Variants in GPC5 observed in about 807,000 individuals in gnomAD.
The protein encoded by GPC5 is glypican 5.
GPC5 carries 47 observed loss-of-function variants against 53.9 expected under a neutral mutation model. That is an observed-to-expected ratio of 0.87 (90% confidence interval 0.69 to 1.11). GPC5 has a LOEUF of 1.11. Among genes scored for constraint, GPC5 ranks in the 50% most tolerant of loss-of-function variants. The pLI is 0.00. For synonymous variants in GPC5, 286 were observed against 263.3 expected, an observed-to-expected ratio of 1.09 and a Z score of -0.84; for missense variants, 748 against 713.1, an observed-to-expected ratio of 1.05 and a Z score of -0.56.
chr13:92,685,512 A>G (rs72641048), intron 7 of GPC5, among the ~76,000 whole-genome samples: 38,437 of 148,014 alleles, frequency 0.26, 5,365 homozygotes, highest in Admixed American at 0.37. Flanking sequence ...ATTTTAAAAA[A>G]ATAATCAAGT....
intron 7 of GPC5, among the ~76,000 whole-genome samples, chr13:92,352,496 T>C (rs1461084367): frequency 6.6e-6 from 1 of 152,232 alleles, no homozygotes; most frequent in Non-Finnish European, 1.5e-5. Context: ...CATAAAGAAC[T>C]CTTAAAAATG....
intron 2 of GPC5, among the ~76,000 whole-genome samples, chr13:91,457,487 C>G (rs1264550499): frequency 6.6e-6 from 1 of 152,026 alleles, no homozygotes; most frequent in Non-Finnish European, 1.5e-5. Context: ...TAGCACATGA[C>G]AGCATCTTGT....
chr13:91,734,544 C>G lies in GPC5; in HGVS notation c.1154+5879C>G, dbSNP rs1387704840. 2.6e-5 allele frequency among the ~76,000 whole-genome samples: 4 copies of G among 151,342 alleles called. 1 individual carries two copies. Among genetic ancestry groups the G allele is most frequent in the African/African-American group, 9.8e-5 (4 of 40,666 alleles). On this transcript the variant is annotated intron_variant, in intron 4 of 7. Transcript: ENST00000377067. ...ATAAAAGTCAGTACAGAGGTAGTGT[C>G]TAATAATTCCTGGAAGGAAAATAGC... is the stretch of plus-strand genomic sequence containing the variant.
chr13:92,821,927 GA>G lies in GPC5; in HGVS notation c.1562-44347del, dbSNP rs201795033. On this transcript the variant is annotated intron_variant, in intron 7 of 7. Coordinates refer to ENST00000377067, the MANE Select transcript of GPC5 (RefSeq NM_004466.6). ...CTTCAAATAATACCCATAAATACAA[GA>G]AAAAAAATGGGAGGGAATAAACTGA... 6.7e-3 allele frequency among the ~76,000 whole-genome samples: 1,019 copies of G among 151,372 alleles called. 8 individuals carry two copies. The highest frequency in any genetic ancestry group is 0.031 in the Middle Eastern group (9 of 294).
chr13:91,572,192 C>CACATATTTATATATACGTGTGTATAT (rs1594274140), intron 2 of GPC5, among the ~76,000 whole-genome samples: 1 of 110,316 alleles, frequency 9.1e-6, no homozygotes, highest in Non-Finnish European at 1.7e-5. Flanking sequence ...TGTGTATACA[C>CACATATTTATATATACGTGTGTATAT]ACACATATGT....
At chr13:92,285,153 G>T (rs1050705469) in intron 7 of GPC5, among the ~76,000 whole-genome samples, 2 of 152,000 alleles carry the variant, frequency 1.3e-5, no homozygotes, top group Non-Finnish European at 2.9e-5. Flanking sequence ...GCTTCAAAGA[G>T]AATAAAATAC....
At chr13:92,314,015 A>T (rs2043162391) in intron 7 of GPC5, among the ~76,000 whole-genome samples, 1 of 152,148 alleles carries the variant, frequency 6.6e-6, no homozygotes, top group African/African-American at 2.4e-5. Flanking sequence ...ACTTCAAAAC[A>T]CTAATTGCAT....
At chr13:91,504,547 T>A (rs1884835385) in intron 2 of GPC5, among the ~76,000 whole-genome samples, 1 of 152,128 alleles carries the variant, frequency 6.6e-6, no homozygotes, top group African/African-American at 2.4e-5. Flanking sequence ...AGCAACTACT[T>A]CGAAAATAAA....
rs1876558836 is a variant in GPC5 at position 92,421,506 on chromosome 13, T to C, written c.1561+276517T>C. Among the ~76,000 whole-genome samples the C allele has an allele frequency of 5.9e-5, 9 of 152,098 alleles. No individual in the cohort carries two copies. In the South Asian group the frequency reaches 1.9e-3, roughly 32 times the overall value. ...CGAGGTCAGGAGATCGAAACCATCC[T>C]GGCTAACACGGTGAAACCCTGTCTC... On this transcript the variant is annotated intron_variant, in intron 7 of 7. Coordinates refer to ENST00000377067, the MANE Select transcript of GPC5 (RefSeq NM_004466.6).
At chr13:91,597,250 A>G (rs2033027801) in intron 2 of GPC5, among the ~76,000 whole-genome samples, 1 of 152,144 alleles carries the variant, frequency 6.6e-6, no homozygotes, top group Non-Finnish European at 1.5e-5. Flanking sequence ...TCTGTTATTC[A>G]ATCTTGGTCA....
At chr13:92,822,909 T>A (rs1281975439) in intron 7 of GPC5, among the ~76,000 whole-genome samples, 1 of 152,036 alleles carries the variant, frequency 6.6e-6, no homozygotes, top group African/African-American at 2.4e-5. Context: ...ATAATTGTTT[T>A]CATTAAAAAG....
At chr13:91,983,318 C>T (rs1687945406) in intron 6 of GPC5, among the ~76,000 whole-genome samples, 2 of 151,190 alleles carry the variant, frequency 1.3e-5, no homozygotes, top group African/African-American at 4.8e-5. Context: ...TGCACTTCAG[C>T]CTGGGCGACA....
intron 5 of GPC5, among the ~76,000 whole-genome samples, chr13:91,885,100 G>T (rs1198029389): frequency 6.6e-6 from 1 of 151,962 alleles, no homozygotes; most frequent in Non-Finnish European, 1.5e-5. Context: ...CAGGATTTTG[G>T]CTTCACAGTT....
intron 5 of GPC5, among the ~76,000 whole-genome samples, chr13:91,806,554 C>T (rs1454768656): frequency 6.6e-6 from 1 of 151,848 alleles, no homozygotes; most frequent in Non-Finnish European, 1.5e-5. Context: ...TTTTGAAAGA[C>T]TTTTCACATG....
intron 6 of GPC5, among the ~76,000 whole-genome samples, chr13:92,116,192 T>C (rs976451071): frequency 2.6e-5 from 4 of 152,044 alleles, no homozygotes; most frequent in African/African-American, 9.7e-5. Flanking sequence ...AAGGCTGCAG[T>C]GAGCCATGAT....
chr13:91,944,363 T>G (rs1381517142), intron 6 of GPC5, among the ~76,000 whole-genome samples: 3 of 152,192 alleles, frequency 2.0e-5, no homozygotes, highest in Non-Finnish European at 4.4e-5. Context: ...CCCAAAGTTC[T>G]GGGATTACAG....
chr13:92,617,932 C>T (rs1047068153), intron 7 of GPC5, among the ~76,000 whole-genome samples: 1 of 152,038 alleles, frequency 6.6e-6, no homozygotes, highest in Admixed American at 6.6e-5. Flanking sequence ...GTGTGCTGCA[C>T]CCGTTAAGAC....
intron 4 of GPC5, among the ~76,000 whole-genome samples, chr13:91,745,639 G>C (rs1295710364): frequency 6.6e-6 from 1 of 152,092 alleles, no homozygotes; most frequent in Non-Finnish European, 1.5e-5. Context: ...CTGTCTCTTT[G>C]AGAAAGGTGC....
intron 3 of GPC5, among the ~76,000 whole-genome samples, chr13:91,699,802 T>A (rs1261130264): frequency 1.3e-5 from 2 of 152,220 alleles, no homozygotes; most frequent in Admixed American, 1.3e-4. Flanking sequence ...TATGTAGAGA[T>A]CTTTTCTAAA....
Sources: allele counts gnomAD v4.1 joint callset (sites outside exome capture counted in the v4.1 genomes callset), GRCh38; gene constraint gnomAD v4.1.1; transcripts MANE v1.5; gene names NCBI Gene and HGNC (gene_info 2026-07-23, HGNC 2026-07-21).